VSTM2L: variants seen among roughly 807,000 people sequenced by gnomAD.
VSTM2L encodes the protein V-set and transmembrane domain-containing protein 2-like protein.
A neutral mutation model predicts 19.9 loss-of-function variants in VSTM2L; 9 were observed. The observed-to-expected ratio is 0.45, with a 90% CI of 0.27 to 0.79. VSTM2L has a LOEUF of 0.79. VSTM2L is among the 30% of genes least tolerant of loss of function. The pLI is 0.15. For missense variants in VSTM2L, 286 were observed against 295.5 expected (o/e 0.97, Z 0.24); for synonymous variants, 127 against 133.8 (o/e 0.95, Z 0.35).
At chr20:37,921,775 G>T (rs981151305) in intron 1 of VSTM2L, among the ~76,000 whole-genome samples, 1 of 151,242 alleles carries the variant, frequency 6.6e-6, no homozygotes, top group Non-Finnish European at 1.5e-5. Context: ...ATGCGGGGAG[G>T]GATATTCTGG....
chr20:37,945,326 C>T lies in VSTM2L; in HGVS notation c.*1073C>T, dbSNP rs966519389. ...GATCCAGTCTGTGACTACCAGCCAACCTGAATAAAGCGGTTTTAAAAAAAC... is the reference window on the plus strand; with the variant it reads ...GATCCAGTCTGTGACTACCAGCCAATCTGAATAAAGCGGTTTTAAAAAAAC... On this transcript the variant is annotated 3_prime_UTR_variant, in exon 4 of 4. Transcript: ENST00000373461. The T allele has an allele frequency of 3.1e-5, 30 of 967,006 alleles. No individual in the cohort carries two copies. Among genetic ancestry groups the T allele is most frequent in the Non-Finnish European group, 3.7e-5 (30 of 813,386 alleles). 59.9% of individuals were successfully genotyped at this position (967,006 alleles called of 1,614,324 possible). A position where few individuals can be genotyped will look rare whatever the true frequency, so the allele number is the denominator to read the frequency against.
At chr20:37,911,517 G>C (rs1442978888) in intron 1 of VSTM2L, among the ~76,000 whole-genome samples, 1 of 152,228 alleles carries the variant, frequency 6.6e-6, no homozygotes, top group Non-Finnish European at 1.5e-5. Flanking sequence ...CTGGCACAAG[G>C]GCCCAGGTGG....
In VSTM2L at chr20:37,945,343, T is replaced by TA. The variant is rs1290216847; in HGVS notation, c.*1097dup. 79 of 922,054 alleles carry TA rather than the reference T, an allele frequency of 8.6e-5. No homozygotes were observed. Among genetic ancestry groups the TA allele is most frequent in the South Asian group, 1.0e-4 (2 of 19,942 alleles). The allele number at this position is 922,054 out of a possible 1,614,324, so 57.1% of individuals were successfully genotyped here. ...CCAGCCAACCTGAATAAAGCGGTTT[T>TA]AAAAAAACCTCTGGGCAGTGTCTTT... On this transcript the variant is annotated 3_prime_UTR_variant, in exon 4 of 4. Coordinates refer to ENST00000373461, the MANE Select transcript of VSTM2L (RefSeq NM_080607.3).
chr20:37,945,155 G>A lies in VSTM2L; in HGVS notation c.*902G>A. On this transcript the variant is annotated 3_prime_UTR_variant, in exon 4 of 4. Coordinates refer to ENST00000373461, the MANE Select transcript of VSTM2L (RefSeq NM_080607.3). The stretch of plus-strand genomic sequence containing the variant: ...ACGATTCCCGATCACGGGCACACCT[G>A]CCCCCTGGTTATTTGTAAATATTTC... 3.0e-6 allele frequency: 3 copies of A among 985,598 alleles called. No homozygotes were observed. Among genetic ancestry groups the A allele is most frequent in the Non-Finnish European group, 3.6e-6 (3 of 829,916 alleles). The allele number at this position is 985,598 out of a possible 1,614,324, so 61.1% of individuals were successfully genotyped here.
rs114947403 is a variant in VSTM2L, at chr20:37,914,959, T to G, written c.121+11488T>G. On this transcript the variant is annotated intron_variant, in intron 1 of 3. Coordinates refer to ENST00000373461, the MANE Select transcript of VSTM2L (RefSeq NM_080607.3). ...GGCGGAGAGCTGACGGCGGGGTGTCTGTTTTGCTTTGTGAGGTTTTAAAAA... is the reference window on the plus strand; with the variant it reads ...GGCGGAGAGCTGACGGCGGGGTGTCGGTTTTGCTTTGTGAGGTTTTAAAAA... 5.6e-3 allele frequency among the ~76,000 whole-genome samples: 850 copies of G among 152,298 alleles called. 6 individuals carry two copies. The highest frequency in any genetic ancestry group is 0.02 in the African/African-American group (815 of 41,556).
chr20:37,945,350 A>C lies in VSTM2L; in HGVS notation c.*1097A>C, dbSNP rs1381351924. The C allele has an allele frequency of 1.1e-6, 1 of 898,988 alleles. No individual in the cohort carries two copies. Among genetic ancestry groups the C allele is most frequent in the East Asian group, 1.2e-4 (1 of 8,422 alleles). 55.7% of individuals were successfully genotyped at this position (898,988 alleles called of 1,614,324 possible). A position where few individuals can be genotyped will look rare whatever the true frequency, so the allele number is the denominator to read the frequency against. ...ACCTGAATAAAGCGGTTTTAAAAAA[A>C]CCTCTGGGCAGTGTCTTTCTGGGGC... On this transcript the variant is annotated 3_prime_UTR_variant, in exon 4 of 4. Coordinates refer to ENST00000373461, the MANE Select transcript of VSTM2L (RefSeq NM_080607.3).
intron 1 of VSTM2L, among the ~76,000 whole-genome samples, chr20:37,930,785 G>T (rs1001936834): frequency 5.2e-4 from 79 of 152,226 alleles, no homozygotes; most frequent in Middle Eastern, 3.4e-3. Context: ...CCTCACCCTG[G>T]GTGCCCTGAG....
chr20:37,917,817 C>T (rs575721038), intron 1 of VSTM2L, among the ~76,000 whole-genome samples: 70 of 152,330 alleles, frequency 4.6e-4, no homozygotes, highest in Admixed American at 4.4e-3. Flanking sequence ...GACAAGAGGC[C>T]GTTGATGGCG....
intron 1 of VSTM2L, among the ~76,000 whole-genome samples, chr20:37,910,931 AAG>A (rs1280585462): frequency 7.3e-5 from 11 of 150,782 alleles, no homozygotes; most frequent in African/African-American, 2.2e-4. Context: ...AAAAAAAAAA[AAG>A]AAAAAGAAGA....
intron 3 of VSTM2L, among the ~76,000 whole-genome samples, chr20:37,934,991 T>C (rs1340750335): frequency 6.6e-6 from 1 of 152,040 alleles, no homozygotes; most frequent in Non-Finnish European, 1.5e-5. Flanking sequence ...CAAATACCCA[T>C]CCGTTAAGCC....
At chr20:37,933,428 T>C (rs1224028856) in intron 2 of VSTM2L, 111 bp from the exon 3 acceptor site, 3 of 881,694 alleles carry the variant, frequency 3.4e-6, no homozygotes, top group Non-Finnish European at 5.3e-6. Context: ...GTCGTGAGAA[T>C]CTTAGCGGTT....
intron 1 of VSTM2L, among the ~76,000 whole-genome samples, chr20:37,915,282 C>CCG (rs2072811953): frequency 6.6e-6 from 1 of 152,184 alleles, no homozygotes; most frequent in Non-Finnish European, 1.5e-5. Flanking sequence ...CGGGCCCCAC[C>CCG]CGCGCTGCTG....
chr20:37,906,225 A>G (rs1471577317), intron 1 of VSTM2L, among the ~76,000 whole-genome samples: 1 of 152,152 alleles, frequency 6.6e-6, no homozygotes, highest in Non-Finnish European at 1.5e-5. Flanking sequence ...CAGATGGGTC[A>G]GAAAGGACAT....
At chr20:37,934,148 C>G (rs1402502240) in intron 3 of VSTM2L, among the ~76,000 whole-genome samples, 1 of 152,198 alleles carries the variant, frequency 6.6e-6, no homozygotes, top group Admixed American at 6.5e-5. Context: ...TGCCAGAGGT[C>G]ACGCCAAGGG....
chr20:37,933,989 G>A (rs541195848), intron 3 of VSTM2L, among the ~76,000 whole-genome samples: 6 of 152,344 alleles, frequency 3.9e-5, no homozygotes, highest in South Asian at 2.1e-4. Flanking sequence ...CCCCGGGGAC[G>A]GGGTGGGGGC....
chr20:37,904,429 C>T (rs2072739974), intron 1 of VSTM2L, among the ~76,000 whole-genome samples: 1 of 152,248 alleles, frequency 6.6e-6, no homozygotes, highest in African/African-American at 2.4e-5. Flanking sequence ...CACTGGCTGG[C>T]TGAGTGTCAG....
intron 1 of VSTM2L, among the ~76,000 whole-genome samples, chr20:37,914,360 GTTTATATA>G (rs1568835222): frequency 2.2e-3 from 330 of 150,068 alleles, no homozygotes; most frequent in East Asian, 4.7e-3. Context: ...TGTGTGGGGT[GTTTATATA>G]TGTGTGTGGG....
At chr20:37,935,759 T>C (rs71351550) in intron 3 of VSTM2L, among the ~76,000 whole-genome samples, 1 of 152,178 alleles carries the variant, frequency 6.6e-6, no homozygotes, top group Non-Finnish European at 1.5e-5. Context: ...TGACTCACTG[T>C]TGCATTTCCA....
At chr20:37,919,436 G>A (rs1241084822) in intron 1 of VSTM2L, among the ~76,000 whole-genome samples, 1 of 152,218 alleles carries the variant, frequency 6.6e-6, no homozygotes, top group Non-Finnish European at 1.5e-5. Context: ...GACACAGCCA[G>A]GCTTCTCTGT....
Sources: allele counts gnomAD v4.1 joint callset (sites outside exome capture counted in the v4.1 genomes callset), GRCh38; gene constraint gnomAD v4.1.1; transcripts MANE v1.5; gene names NCBI Gene and HGNC (gene_info 2026-07-23, HGNC 2026-07-21).